The following TRIM33 variants were observed in gnomAD, a reference collection of about 807,000 sequenced individuals.
The protein encoded by TRIM33 is tripartite motif containing 33, also known as E3 ubiquitin-protein ligase TRIM33.
Under a neutral mutation model 125.4 loss-of-function variants are expected in TRIM33, and 20 were observed. The ratio of observed to expected loss-of-function variants is 0.16; its 90% confidence interval spans 0.11 to 0.23. The LOEUF (loss-of-function observed/expected upper bound fraction) is 0.23, where lower values mean the gene tolerates loss of function less well. TRIM33 is among the 10% of genes least tolerant of loss of function. The pLI, the probability that TRIM33 is intolerant of heterozygous loss-of-function variation, is 1.00. For missense variants in TRIM33, 920 were observed against 1,411.4 expected (o/e 0.65, Z 5.58); for synonymous variants, 564 against 513.9 (o/e 1.10, Z -1.32).
intron 1 of TRIM33, among the ~76,000 whole-genome samples, chr1:114,472,010 TGCAGAAATATTAA>T (rs1480282573): frequency 6.6e-6 from 1 of 152,222 alleles, no homozygotes; most frequent in African/African-American, 2.4e-5. Context: ...TAAATACTGC[TGCAGAAATATTAA>T]GGCATTTGAT....
chr1:114,399,609 T>C lies in TRIM33; in HGVS notation c.2968A>G (p.Ile990Val). ...TTTATAATTTTATAGTAGTTTGGTA[T>C]CTAAAATAAGCACATAATGGCAAAT... ...IEFQEPVPAS[I>V]PNYYKIIKKP... The change falls in exon 18 of 20, where the codon ATA becomes GTA. Residue 990 changes from isoleucine to valine, a missense_variant and splice_region_variant. By Grantham distance (29) the Ile-to-Val change is conservative (BLOSUM62 3). Coordinates refer to ENST00000358465, the MANE Select transcript of TRIM33 (RefSeq NM_015906.4). The C allele has an allele frequency of 6.3e-7, 1 of 1,594,104 alleles. No individual in the cohort carries two copies.
intron 1 of TRIM33, among the ~76,000 whole-genome samples, chr1:114,478,281 C>T (rs1651094950): frequency 6.6e-6 from 1 of 152,190 alleles, no homozygotes; most frequent in Non-Finnish European, 1.5e-5. Flanking sequence ...AGCAGCTTTG[C>T]TGTCACACAC....
At position 114,397,351 on chromosome 1, in the gene TRIM33, T is replaced by C. The variant is rs966486790; in HGVS notation, c.*297A>G. 2.1e-5 allele frequency: 9 copies of C among 426,954 alleles called. No individual in the cohort carries two copies. The highest frequency in any genetic ancestry group is 1.4e-4 in the African/African-American group (7 of 50,436). The allele number at this position is 426,954 out of a possible 1,614,324, so 26.4% of individuals were successfully genotyped here. A position where few individuals can be genotyped will look rare whatever the true frequency, so the allele number is the denominator to read the frequency against. ...ATCAATAGCACACAATCATCAATAT[T>C]TGCCATTTCTAACAATCAGAGAATC... is the stretch of plus-strand genomic sequence containing the variant. On this transcript the variant is annotated 3_prime_UTR_variant, in exon 20 of 20. Transcript: ENST00000358465.
Position 114,474,393 on chromosome 1 carries a change from C to T in TRIM33, c.527-10005G>A, listed in dbSNP as rs142557757. Among the ~76,000 whole-genome samples, 598 of 147,086 alleles carry T rather than the reference C, an allele frequency of 4.1e-3. 2 individuals are homozygous for T. The highest frequency in any genetic ancestry group is 0.014 in the African/African-American group (559 of 39,964). On this transcript the variant is annotated intron_variant, in intron 1 of 19. Transcript: ENST00000358465. Reference sequence around the variant, plus strand: ...AGCCAGCCTGGGTGACACAGCAAGGCCCCATTTCTACAAATTAAAAAAAAA... The same window carrying T: ...AGCCAGCCTGGGTGACACAGCAAGGTCCCATTTCTACAAATTAAAAAAAAA...
At chr1:114,401,504 C>T in intron 16 of TRIM33, 41 bp from the exon 17 acceptor site, 1 of 1,550,376 alleles carries the variant, frequency 6.5e-7, no homozygotes, top group South Asian at 1.1e-5. Context: ...AAATATTTTT[C>T]TCCTAATAAA....
At chr1:114,410,401 A>T in intron 11 of TRIM33, 85 bp from the exon 12 acceptor site, 1 of 1,348,826 alleles carries the variant, frequency 7.4e-7, no homozygotes, top group South Asian at 1.4e-5. Flanking sequence ...TACTCAGTTT[A>T]TTAATAAACT....
intron 11 of TRIM33, among the ~76,000 whole-genome samples, 181 bp downstream of exon 11, chr1:114,421,255 G>A (rs1653262499): frequency 1.3e-5 from 2 of 152,034 alleles, no homozygotes; most frequent in Admixed American, 1.3e-4. Context: ...TGCGGAAAGA[G>A]AGGATGTTGA....
intron 16 of TRIM33, 73 bp downstream of exon 16, chr1:114,402,687 G>C: frequency 6.6e-7 from 1 of 1,512,684 alleles, no homozygotes; most frequent in Non-Finnish European, 8.9e-7. Context: ...ATGCTACACA[G>C]GAAAAAAAAA....
chr1:114,485,156 T>G (rs1651599606), intron 1 of TRIM33, among the ~76,000 whole-genome samples: 1 of 152,118 alleles, frequency 6.6e-6, no homozygotes, highest in South Asian at 2.1e-4. Context: ...ATTAAAAGCA[T>G]GAATTTAGTG....
chr1:114,452,727 TA>T (rs34364866), intron 4 of TRIM33, among the ~76,000 whole-genome samples: 15,479 of 107,396 alleles, frequency 0.14, 1,123 homozygotes, highest in East Asian at 0.35. Context: ...CCCCATCTCT[TA>T]AAAAAAAAAA....
In TRIM33 at chr1:114,427,234, C is replaced by T; in HGVS notation, c.1363G>A (p.Gly455Arg). Residue 455 changes from glycine to arginine, a missense_variant, in exon 8 of 20, where the codon GGA (glycine) becomes AGA (arginine). Coordinates refer to ENST00000358465, the MANE Select transcript of TRIM33 (RefSeq NM_015906.4). ...ARCDPVPAANGAIRFHCDPTF... is the reference protein window; with the variant it reads ...ARCDPVPAANRAIRFHCDPTF... ...GGATCACAATGGAAACGTATTGCTC[C>T]ATTAGCAGCAGGGACAGGATCACAC... is the stretch of plus-strand genomic sequence containing the variant. The T allele has an allele frequency of 6.2e-7, 1 of 1,607,504 alleles. No individual in the cohort carries two copies. The highest frequency in any genetic ancestry group is 1.1e-5 in the South Asian group (1 of 90,122).
At chr1:114,488,718 G>A (rs998058054) in intron 1 of TRIM33, among the ~76,000 whole-genome samples, 9 of 152,090 alleles carry the variant, frequency 5.9e-5, no homozygotes, top group African/African-American at 1.9e-4. Context: ...AGCTATGATC[G>A]CATCACTGCA....
At chr1:114,477,549 A>AC (rs929627347) in intron 1 of TRIM33, among the ~76,000 whole-genome samples, 1 of 152,170 alleles carries the variant, frequency 6.6e-6, no homozygotes, top group Non-Finnish European at 1.5e-5. Context: ...AACAGTACCT[A>AC]CCTCAAAGGT....
At chr1:114,422,819 G>A (rs956361098) in intron 10 of TRIM33, among the ~76,000 whole-genome samples, 6 of 152,048 alleles carry the variant, frequency 3.9e-5, no homozygotes, top group African/African-American at 1.2e-4. Context: ...TTGATAGATC[G>A]TTTTCTCAGC....
At chr1:114,400,924 C>A (rs761863460) in intron 17 of TRIM33, among the ~76,000 whole-genome samples, 5 of 152,054 alleles carry the variant, frequency 3.3e-5, no homozygotes, top group Non-Finnish European at 5.9e-5. Context: ...CTCAGAACAA[C>A]CCAATGAGGT....
At chr1:114,475,240 A>G (rs780171840) in intron 1 of TRIM33, among the ~76,000 whole-genome samples, 1 of 152,228 alleles carries the variant, frequency 6.6e-6, no homozygotes, top group Non-Finnish European at 1.5e-5. Flanking sequence ...AATGAGAAAT[A>G]TACTTTAAGA....
intron 1 of TRIM33, among the ~76,000 whole-genome samples, chr1:114,487,393 A>G (rs1196393870): frequency 2.0e-5 from 3 of 151,944 alleles, no homozygotes; most frequent in East Asian, 3.9e-4. Flanking sequence ...GCTGAAAGAA[A>G]GTAACTCAGA....
chr1:114,425,685 T>C lies in TRIM33; in HGVS notation c.1459A>G (p.Thr487Ala), dbSNP rs1647521032. 6.2e-7 allele frequency: 1 copy of C among 1,613,882 alleles called. No homozygotes were observed. The highest frequency in any genetic ancestry group is 1.1e-5 in the South Asian group (1 of 90,996). The stretch of plus-strand genomic sequence containing the variant: ...ACTTGCCCAACTACAACATTAGGAG[T>C]ATAACCAGGAGCTGGTTTACTCTCT... ...VIESKPAPGY[T>A]PNVVVGQVPP... is the part of the protein sequence containing the mutation. The change falls in exon 9 of 20, where the codon ACT becomes GCT. Residue 487 changes from threonine to alanine, a missense_variant. Physicochemically the swap from Thr to Ala is moderately conservative, Grantham distance 58. This residue lies in a region of TRIM33 where 407 missense variants were observed against 589.7 expected (regional missense o/e 0.69). Coordinates refer to ENST00000358465, the MANE Select transcript of TRIM33 (RefSeq NM_015906.4).
chr1:114,489,462 GGCC>G (rs745571679), intron 1 of TRIM33, among the ~76,000 whole-genome samples: 29 of 152,282 alleles, frequency 1.9e-4, no homozygotes, highest in Non-Finnish European at 3.2e-4. Context: ...AAACTTTTGT[GGCC>G]AAGTGCAGTG....
Sources: allele counts gnomAD v4.1 joint callset (sites outside exome capture counted in the v4.1 genomes callset), GRCh38; gene constraint gnomAD v4.1.1; regional missense constraint gnomAD v4.1.1; transcripts MANE v1.5; gene names NCBI Gene and HGNC (gene_info 2026-07-23, HGNC 2026-07-21).